The following SHROOM4 variants were observed in gnomAD, a reference collection of about 807,000 sequenced individuals.
The protein encoded by SHROOM4 is shroom family member 4, also known as protein Shroom4.
Under a neutral mutation model 80.3 loss-of-function variants are expected in SHROOM4, and 17 were observed. That is an observed-to-expected ratio of 0.21 (90% confidence interval 0.14 to 0.32). The LOEUF (loss-of-function observed/expected upper bound fraction) is 0.32. SHROOM4 is among the 10% of genes least tolerant of loss of function. SHROOM4 has a pLI of 1.00. For synonymous variants in SHROOM4, 400 were observed against 437.5 expected, an observed-to-expected ratio of 0.91 and a Z score of 1.07; for missense variants, 993 against 1,140.3, an observed-to-expected ratio of 0.87 and a Z score of 1.86.
At chrX:50,674,732 G>A (rs537489601) in intron 2 of SHROOM4, among the ~76,000 whole-genome samples, 7 of 111,845 alleles carry the variant, frequency 6.3e-5, no homozygotes, top group Admixed American at 5.7e-4. Flanking sequence ...AGGAAAAACC[G>A]ATAAATTGGA....
intron 1 of SHROOM4, among the ~76,000 whole-genome samples, chrX:50,765,050 C>T (rs1170624084): frequency 9.0e-6 from 1 of 111,358 alleles, no homozygotes; most frequent in Non-Finnish European, 1.9e-5. Flanking sequence ...GAGAACAGCA[C>T]AGGAAAAATC....
At chrX:50,673,356 A>T (rs375287739) in intron 2 of SHROOM4, among the ~76,000 whole-genome samples, 1 of 111,564 alleles carries the variant, frequency 9.0e-6, no homozygotes, top group East Asian at 2.8e-4. Context: ...GTGATACATG[A>T]TGTATATCTA....
At position 50,592,342 on chromosome X, in the gene SHROOM4, T is replaced by C. The variant is rs1044431054; in HGVS notation, c.*4353A>G. On this transcript the variant is annotated 3_prime_UTR_variant, in exon 9 of 9. Coordinates refer to ENST00000376020, the MANE Select transcript of SHROOM4 (RefSeq NM_020717.5). ...TCTGCCTAATAACTTCTTGGATTGT[T>C]AGTGGCTTTTATTTATTATTTTCAA... 19 of 259,162 alleles carry C rather than the reference T, an allele frequency of 7.3e-5. No homozygotes were observed. The highest frequency in any genetic ancestry group is 1.3e-4 in the Non-Finnish European group (18 of 138,758). The allele number at this position is 259,162 out of a possible 1,213,427, so 21.4% of individuals were successfully genotyped here. A position where few individuals can be genotyped will look rare whatever the true frequency, so the allele number is the denominator to read the frequency against.
intron 4 of SHROOM4, among the ~76,000 whole-genome samples, chrX:50,629,159 C>T (rs1557253663): frequency 9.0e-6 from 1 of 111,447 alleles, no homozygotes; most frequent in Non-Finnish European, 1.9e-5. Context: ...TTCCCTAAGC[C>T]ACATAGGTTC....
intron 2 of SHROOM4, among the ~76,000 whole-genome samples, chrX:50,694,077 G>GTA (rs1339830860): frequency 9.0e-6 from 1 of 111,412 alleles, no homozygotes; most frequent in African/African-American, 3.3e-5. Context: ...GTATTCCATT[G>GTA]TATATATATT....
At position 50,633,224 on chromosome X, in the gene SHROOM4, C is replaced by A; in HGVS notation, c.2849G>T (p.Ser950Ile). Residue 950 changes from serine to isoleucine, a missense_variant, in exon 4 of 9, where the codon AGC becomes ATC. Transcript: ENST00000376020. ...TTTCCAAGTGTTGCCAGGTGCCAAG[C>A]TGCTGTCCTCGAGGGCACTGTGCTG... ...NPQHSALEDS[S>I]LAPGNTWKPR... is the part of the protein sequence containing the mutation. 1 of 1,211,493 alleles carries A rather than the reference C, an allele frequency of 8.3e-7. No homozygotes were observed. Among genetic ancestry groups the A allele is most frequent in the Non-Finnish European group, 1.1e-6 (1 of 895,432 alleles).
At chrX:50,699,232 T>C (rs1325111105) in intron 1 of SHROOM4, among the ~76,000 whole-genome samples, 2 of 112,187 alleles carry the variant, frequency 1.8e-5, no homozygotes, top group Non-Finnish European at 3.8e-5. Context: ...GCCCAAGTAA[T>C]TGAAAATTGA....
chrX:50,670,974 A>C (rs1932792598), intron 2 of SHROOM4, among the ~76,000 whole-genome samples: 1 of 111,965 alleles, frequency 8.9e-6, no homozygotes, highest in African/African-American at 3.2e-5. Context: ...TGAAAGTCAA[A>C]ATTACTCCCC....
intron 1 of SHROOM4, among the ~76,000 whole-genome samples, chrX:50,759,155 A>C (rs1312427273): frequency 8.9e-6 from 1 of 111,994 alleles, no homozygotes; most frequent in Admixed American, 9.5e-5. Flanking sequence ...TTTGGAGATA[A>C]ATCCTTTAAA....
intron 4 of SHROOM4, 58 bp from the exon 5 acceptor site, chrX:50,627,733 C>T: frequency 9.8e-7 from 1 of 1,019,194 alleles, no homozygotes; most frequent in Non-Finnish European, 1.4e-6. Flanking sequence ...ATCTAGATGG[C>T]CTCAAAAATG....
intron 1 of SHROOM4, among the ~76,000 whole-genome samples, chrX:50,803,165 G>A (rs1223620340): frequency 8.9e-6 from 1 of 111,829 alleles, no homozygotes; most frequent in African/African-American, 3.3e-5. Context: ...ACTCCAGCCT[G>A]GCAACAGAGA....
In SHROOM4 at chrX:50,591,682, TTTCTTTCTTTCTTTTCTTTC is replaced by T. The variant is rs1235139856; in HGVS notation, c.*4993_*5012del. 5 of 278,890 alleles carry T rather than the reference TTTCTTTCTTTCTTTTCTTTC, an allele frequency of 1.8e-5. No individual in the cohort carries two copies. The Admixed American group carries it at 2.0e-4, about 11-fold the overall frequency. 23.0% of individuals were successfully genotyped at this position (278,890 alleles called of 1,213,427 possible). On this transcript the variant is annotated 3_prime_UTR_variant, in exon 9 of 9. Transcript: ENST00000376020. ...TAAATGGAACTGTTTTCTTTCTTTCTTTCTTTCTTTCTTTTCTTTCTTTCTTTCTTTCTTTCTTTCTTTCT... is the reference window on the plus strand; with the variant it reads ...TAAATGGAACTGTTTTCTTTCTTTCTTTTCTTTCTTTCTTTCTTTCTTTCT...
At chrX:50,628,676 T>A (rs5961201) in intron 4 of SHROOM4, among the ~76,000 whole-genome samples, 38,920 of 110,658 alleles carry the variant, frequency 0.35, 5,072 homozygotes, top group South Asian at 0.41. Flanking sequence ...TGGCGCAGTC[T>A]CACTGGCTAA....
At chrX:50,734,436 T>TG (rs2147551518) in intron 1 of SHROOM4, among the ~76,000 whole-genome samples, 1 of 111,298 alleles carries the variant, frequency 9.0e-6, no homozygotes, top group East Asian at 2.8e-4. Flanking sequence ...TATTTTGAGA[T>TG]GGAGTCTTGC....
chrX:50,639,163 T>A (rs1298985640), intron 2 of SHROOM4, among the ~76,000 whole-genome samples: 2 of 112,651 alleles, frequency 1.8e-5, no homozygotes, highest in Non-Finnish European at 3.7e-5. Context: ...CGCTGTCCCC[T>A]GGCATACTTC....
chrX:50,597,162 A>G (rs1557246840), intron 8 of SHROOM4, among the ~76,000 whole-genome samples, 198 bp from the exon 9 acceptor site: 2 of 112,493 alleles, frequency 1.8e-5, no homozygotes, highest in Non-Finnish European at 3.8e-5. Flanking sequence ...GGTAAACATG[A>G]CAACAATTCT....
chrX:50,812,022 C>T (rs1024279966), intron 1 of SHROOM4, among the ~76,000 whole-genome samples: 7 of 110,126 alleles, frequency 6.4e-5, no homozygotes, highest in African/African-American at 2.3e-4. Context: ...CATGCTCTCA[C>T]TGGCTCACAA....
chrX:50,630,235 C>T (rs1190540076), intron 4 of SHROOM4, among the ~76,000 whole-genome samples: 1 of 108,183 alleles, frequency 9.2e-6, no homozygotes, highest in Non-Finnish European at 1.9e-5. Flanking sequence ...ACTTCCCCCG[C>T]CCCACTCACC....
chrX:50,789,717 G>T (rs1935817428), intron 1 of SHROOM4, among the ~76,000 whole-genome samples: 1 of 112,111 alleles, frequency 8.9e-6, no homozygotes, highest in African/African-American at 3.2e-5. Context: ...TTAATTTTTT[G>T]AAAAGATCAA....
Sources: gnomAD v4.1 joint callset for allele counts (sites outside exome capture counted in the v4.1 genomes callset) on GRCh38, gnomAD v4.1.1 for gene constraint, MANE v1.5 for transcripts, NCBI Gene and HGNC (gene_info 2026-07-23, HGNC 2026-07-21) for gene names.